Variants in TMTC1 observed in about 807,000 individuals in gnomAD.
TMTC1 encodes the protein protein O-mannosyl-transferase TMTC1.
In TMTC1, 73 loss-of-function variants were observed where a neutral mutation model predicts 104.8. That is an observed-to-expected ratio of 0.70 (90% confidence interval 0.58 to 0.85). The LOEUF (loss-of-function observed/expected upper bound fraction) is 0.85. Ranked by LOEUF, TMTC1 falls within the 40% of genes least tolerant of loss-of-function variation. TMTC1 has a pLI of 0.00. For missense variants in TMTC1, 1,035 were observed against 1,096.1 expected (o/e 0.94, Z 0.79); for synonymous variants, 434 against 428.7 (o/e 1.01, Z -0.15).
intron 11 of TMTC1, among the ~76,000 whole-genome samples, chr12:29,529,010 C>T (rs1327349703): frequency 6.6e-6 from 1 of 152,038 alleles, no homozygotes; most frequent in Non-Finnish European, 1.5e-5. Context: ...CTGCTTCTGT[C>T]GGTTCAATCT....
intron 9 of TMTC1, among the ~76,000 whole-genome samples, chr12:29,566,582 G>C (rs964228367): frequency 2.0e-5 from 3 of 152,136 alleles, no homozygotes; most frequent in African/African-American, 7.2e-5. Context: ...CTGAAGGAAA[G>C]CAGGGCAAAG....
intron 6 of TMTC1, among the ~76,000 whole-genome samples, chr12:29,605,389 T>C (rs909612753): frequency 1.3e-5 from 2 of 151,934 alleles, no homozygotes; most frequent in Non-Finnish European, 2.9e-5. Context: ...GACTAAAATA[T>C]ATAGGGTAAT....
At chr12:29,722,165 T>TG (rs1196020929) in intron 5 of TMTC1, among the ~76,000 whole-genome samples, 1 of 152,216 alleles carries the variant, frequency 6.6e-6, no homozygotes, top group African/African-American at 2.4e-5. Context: ...GAAAGGGTCT[T>TG]GGGGAACCTT....
chr12:29,703,592 G>A (rs942288157), intron 5 of TMTC1, among the ~76,000 whole-genome samples: 9 of 152,090 alleles, frequency 5.9e-5, no homozygotes, highest in African/African-American at 1.9e-4. Context: ...ATGCCAAGAC[G>A]CATTTTTGCT....
chr12:29,722,116 G>A (rs1942252295), intron 5 of TMTC1, among the ~76,000 whole-genome samples: 1 of 152,120 alleles, frequency 6.6e-6, no homozygotes, highest in South Asian at 2.1e-4. Flanking sequence ...TAATATCTTA[G>A]TATTGCTATA....
chr12:29,745,618 C>CAAAAAAA lies in TMTC1; in HGVS notation c.938+6041_938+6047dup, dbSNP rs71444341. 2.4e-3 allele frequency among the ~76,000 whole-genome samples: 199 copies of CAAAAAAA among 83,780 alleles called. 1 individual carries two copies. Among genetic ancestry groups the CAAAAAAA allele is most frequent in the Middle Eastern group, 8.3e-3 (1 of 120 alleles). 55.0% of individuals were successfully genotyped at this position (83,780 alleles called of 152,430 possible). A position where few individuals can be genotyped will look rare whatever the true frequency, so the allele number is the denominator to read the frequency against. ...CCTGAGCAACAGAGCGAGACTCAAT[C>CAAAAAAA]AAAAAAAAAAAAAAAAAAAAAGAAA... On this transcript the variant is annotated intron_variant, in intron 5 of 17. Coordinates refer to ENST00000539277, the MANE Select transcript of TMTC1 (RefSeq NM_001193451.2).
chr12:29,612,766 C>A (rs1251143253), intron 6 of TMTC1, among the ~76,000 whole-genome samples: 3 of 152,192 alleles, frequency 2.0e-5, no homozygotes, highest in African/African-American at 7.2e-5. Context: ...GTATACATAT[C>A]CTCTGATCAC....
At chr12:29,649,712 G>A (rs1347954679) in intron 5 of TMTC1, among the ~76,000 whole-genome samples, 1 of 152,202 alleles carries the variant, frequency 6.6e-6, no homozygotes, top group Non-Finnish European at 1.5e-5. Context: ...CCTTGCAGAT[G>A]GTTTTGAAGA....
At chr12:29,665,266 T>C (rs1375245874) in intron 5 of TMTC1, among the ~76,000 whole-genome samples, 1 of 152,196 alleles carries the variant, frequency 6.6e-6, no homozygotes, top group Non-Finnish European at 1.5e-5. Context: ...CAGTTGAACA[T>C]TAATCGAGGG....
chr12:29,610,301 C>A (rs1946812339), intron 6 of TMTC1, among the ~76,000 whole-genome samples: 1 of 152,080 alleles, frequency 6.6e-6, no homozygotes, highest in Non-Finnish European at 1.5e-5. Flanking sequence ...TGTTTCAGCC[C>A]TCGAGTGAAG....
intron 6 of TMTC1, among the ~76,000 whole-genome samples, chr12:29,631,441 A>T (rs554087055): frequency 3.9e-5 from 6 of 152,316 alleles, no homozygotes; most frequent in African/African-American, 1.4e-4. Flanking sequence ...GGTAAGGGTT[A>T]AGATTCATAT....
intron 11 of TMTC1, among the ~76,000 whole-genome samples, chr12:29,521,810 C>T (rs544170568): frequency 5.9e-5 from 9 of 152,210 alleles, no homozygotes; most frequent in East Asian, 1.9e-4. Flanking sequence ...TCAAGTGATC[C>T]GCCCGTCTTG....
At chr12:29,727,953 C>G (rs1942443023) in intron 5 of TMTC1, among the ~76,000 whole-genome samples, 1 of 152,032 alleles carries the variant, frequency 6.6e-6, no homozygotes, top group South Asian at 2.1e-4. Flanking sequence ...CTGTGCCCAG[C>G]TAATTTAAGA....
Position 29,762,808 on chromosome 12 carries a change from T to C in TMTC1, c.481-4031A>G, listed in dbSNP as rs79274249. On this transcript the variant is annotated intron_variant, in intron 2 of 17. Coordinates refer to ENST00000539277, the MANE Select transcript of TMTC1 (RefSeq NM_001193451.2). ...CAGTGACAGTGTGGTGTCGCCACAA[T>C]GTCAAGGTTCAGCTCAGTCTCACAG... 4.9e-4 allele frequency among the ~76,000 whole-genome samples: 75 copies of C among 152,362 alleles called. No homozygotes were observed. The East Asian group carries it at 0.013, about 27-fold the overall frequency.
intron 11 of TMTC1, among the ~76,000 whole-genome samples, chr12:29,525,606 C>T (rs887607085): frequency 3.3e-5 from 5 of 149,760 alleles, no homozygotes; most frequent in South Asian, 2.1e-4. Flanking sequence ...TTAAATCTAG[C>T]GAAAGTATAC....
At chr12:29,525,987 G>A (rs920902029) in intron 11 of TMTC1, among the ~76,000 whole-genome samples, 1 of 152,226 alleles carries the variant, frequency 6.6e-6, no homozygotes, top group Non-Finnish European at 1.5e-5. Context: ...ATTTTTGTAT[G>A]AGAAAGCTTT....
At chr12:29,589,325 T>C (rs1234303744) in intron 7 of TMTC1, among the ~76,000 whole-genome samples, 2 of 152,208 alleles carry the variant, frequency 1.3e-5, no homozygotes, top group Non-Finnish European at 2.9e-5. Flanking sequence ...TCCAGGCATG[T>C]CCTTAATCTT....
chr12:29,759,038 G>A (rs754212741), intron 2 of TMTC1, among the ~76,000 whole-genome samples: 12 of 152,262 alleles, frequency 7.9e-5, no homozygotes, highest in Non-Finnish European at 1.3e-4. Context: ...CTCTCAGAGC[G>A]TCAATTCACG....
intron 5 of TMTC1, among the ~76,000 whole-genome samples, chr12:29,739,220 C>T (rs188517527): frequency 8.7e-4 from 133 of 152,200 alleles, no homozygotes; most frequent in Non-Finnish European, 1.1e-3. Context: ...GACAGGACTC[C>T]TGCCTACCCT....
Sources: allele counts gnomAD v4.1 joint callset (sites outside exome capture counted in the v4.1 genomes callset), GRCh38; gene constraint gnomAD v4.1.1; transcripts MANE v1.5; gene names NCBI Gene and HGNC (gene_info 2026-07-23, HGNC 2026-07-21).